FBXO42: variants seen among roughly 807,000 people sequenced by gnomAD.
FBXO42 encodes F-box only protein 42.
A neutral mutation model predicts 71.7 loss-of-function variants in FBXO42; 12 were observed. That is an observed-to-expected ratio of 0.17 (90% CI 0.11 to 0.27). The LOEUF is 0.27. Ranked by LOEUF, FBXO42 falls within the 10% of genes least tolerant of loss-of-function variation. The pLI is 1.00. For missense variants in FBXO42, 707 were observed against 911.9 expected (o/e 0.78, Z 2.89); for synonymous variants, 325 against 327.5 (o/e 0.99, Z 0.08).
intron 4 of FBXO42, among the ~76,000 whole-genome samples, chr1:16,287,379 C>A (rs2082033137): frequency 6.6e-6 from 1 of 152,146 alleles, no homozygotes; most frequent in Non-Finnish European, 1.5e-5. Context: ...ACTTTCCATC[C>A]TCTAACATAC....
chr1:16,320,080 C>A (rs1482603941), intron 1 of FBXO42, among the ~76,000 whole-genome samples: 2 of 151,952 alleles, frequency 1.3e-5, no homozygotes, highest in African/African-American at 2.4e-5. Flanking sequence ...CGTACAGTCG[C>A]CGAGCATGGT....
chr1:16,331,270 G>A (rs1299253604), intron 1 of FBXO42, among the ~76,000 whole-genome samples: 13 of 151,362 alleles, frequency 8.6e-5, no homozygotes, highest in Admixed American at 2.0e-4. Flanking sequence ...AAAATTAGCC[G>A]GGCATGGTGG....
chr1:16,280,955 G>C (rs990062257), intron 4 of FBXO42, among the ~76,000 whole-genome samples: 1 of 152,028 alleles, frequency 6.6e-6, no homozygotes, highest in Non-Finnish European at 1.5e-5. Flanking sequence ...TGTTGTGTGT[G>C]TGTTTGTTTT....
chr1:16,312,659 T>C (rs1416836650), intron 2 of FBXO42, among the ~76,000 whole-genome samples: 3 of 152,230 alleles, frequency 2.0e-5, no homozygotes, highest in Middle Eastern at 6.8e-3. Context: ...ATGTAAACTA[T>C]GGAATTTGGG....
chr1:16,250,941 G>T lies in FBXO42; in HGVS notation c.1883C>A (p.Ser628Tyr). The T allele has an allele frequency of 6.2e-7, 1 of 1,614,196 alleles. No homozygotes were observed. The highest frequency in any genetic ancestry group is 8.5e-7 in the Non-Finnish European group (1 of 1,180,040). ...ARRLGHHPPQ[S>Y]LNVGKPLYQS... ...GTATAGGGGTTTGCCAACATTTAGG[G>T]ACTGTGGAGGGTGGTGGCCCAGGCG... The change falls in exon 10 of 10, where the codon TCC (serine) becomes TAC (tyrosine). Residue 628 changes from serine (S) to tyrosine (Y), a missense_variant. Physicochemically the swap from Ser to Tyr is moderately radical, Grantham distance 144. This residue lies in a region of FBXO42 where 482 missense variants were observed against 587.1 expected (regional missense o/e 0.82). Transcript: ENST00000375592. The surrounding 1 kb of genome is among the most constrained non-coding windows in gnomAD (Gnocchi z 4.7).
At chr1:16,253,806 A>G (rs2081614531) in intron 6 of FBXO42, 75 bp from the exon 7 acceptor site, 18 of 1,360,660 alleles carry the variant, frequency 1.3e-5, no homozygotes, top group Non-Finnish European at 1.9e-5. Flanking sequence ...GGAGTTCCAC[A>G]TGCCTGTGGC....
At chr1:16,273,489 T>C (rs2100480984) in intron 4 of FBXO42, among the ~76,000 whole-genome samples, 1 of 151,842 alleles carries the variant, frequency 6.6e-6, no homozygotes, top group South Asian at 2.1e-4. Context: ...AGGAAATGAG[T>C]GCATATATCC....
chr1:16,253,595 C>A, intron 7 of FBXO42, 40 bp downstream of exon 7: 1 of 1,593,446 alleles, frequency 6.3e-7, no homozygotes. Flanking sequence ...CTGAAAGACG[C>A]TACAGTGTTT....
At chr1:16,319,774 G>A (rs1397188080) in intron 1 of FBXO42, among the ~76,000 whole-genome samples, 1 of 151,908 alleles carries the variant, frequency 6.6e-6, no homozygotes, top group Non-Finnish European at 1.5e-5. Flanking sequence ...AGCCGGGCAT[G>A]GTGCCGTGCA....
chr1:16,306,253 G>A (rs1278176836), intron 2 of FBXO42, among the ~76,000 whole-genome samples: 2 of 151,996 alleles, frequency 1.3e-5, no homozygotes, highest in African/African-American at 2.4e-5. Flanking sequence ...TCCTGACCTC[G>A]TGATCCACCT....
intron 4 of FBXO42, among the ~76,000 whole-genome samples, chr1:16,283,494 G>GTTTTTTTTTTTTGTTTTTTTT (rs763063776): frequency 6.2e-5 from 5 of 80,972 alleles, no homozygotes; most frequent in African/African-American, 1.8e-4. Context: ...ACTGTGGCAA[G>GTTTTTTTTTTTTGTTTTTTTT]TTTTTTTTTT....
chr1:16,296,120 T>C (rs1364894692), intron 3 of FBXO42, among the ~76,000 whole-genome samples: 1 of 152,222 alleles, frequency 6.6e-6, no homozygotes, highest in Non-Finnish European at 1.5e-5. Context: ...GAGTGCTAAG[T>C]TCTGCCCCTT....
chr1:16,283,488 TG>T lies in FBXO42; in HGVS notation c.502+11294del, dbSNP rs1398798622. ...TGGCATTTATAGACTCTTCTAACTG[TG>T]GCAAGTTTTTTTTTTTTTTTTTTTT... On this transcript the variant is annotated intron_variant, in intron 4 of 9. Coordinates refer to ENST00000375592, the MANE Select transcript of FBXO42 (RefSeq NM_018994.3). Among the ~76,000 whole-genome samples, 3 of 140,574 alleles carry T rather than the reference TG, an allele frequency of 2.1e-5. No homozygotes were observed. In the East Asian group the frequency reaches 6.2e-4, roughly 29 times the overall value. The allele number at this position is 140,574 out of a possible 152,430, so 92.2% of individuals were successfully genotyped here. A position where few individuals can be genotyped will look rare whatever the true frequency, so the allele number is the denominator to read the frequency against.
chr1:16,279,453 C>T (rs1168611716), intron 4 of FBXO42, among the ~76,000 whole-genome samples: 1 of 152,156 alleles, frequency 6.6e-6, no homozygotes, highest in Non-Finnish European at 1.5e-5. Flanking sequence ...AGCAAACAAA[C>T]AGGAAGAGAT....
At chr1:16,326,034 G>GTGTGTGTGTGTGTGTGTGTGTC (rs2082446211) in intron 1 of FBXO42, among the ~76,000 whole-genome samples, 1 of 150,384 alleles carries the variant, frequency 6.6e-6, no homozygotes, top group Non-Finnish European at 1.5e-5. Context: ...GTGTGTGTGT[G>GTGTGTGTGTGTGTGTGTGTGTC]TGTGTGTGTG....
chr1:16,352,273 C>T lies in FBXO42; in HGVS notation c.-36G>A, dbSNP rs570602321. ...GCCTCACCTGGCCCAGCCCGCTCCA[C>T]GCTCTCGGGTTCGCTCCGCTGGCGA... On this transcript the variant is annotated 5_prime_UTR_variant, in exon 1 of 10. The change creates a new upstream start codon in the 5' untranslated region. Transcript: ENST00000375592. 5.1e-6 allele frequency: 2 copies of T among 396,000 alleles called. No individual in the cohort carries two copies. The highest frequency in any genetic ancestry group is 7.2e-5 in the East Asian group (2 of 27,946). 24.5% of individuals were successfully genotyped at this position (396,000 alleles called of 1,614,324 possible).
At chr1:16,268,939 G>C (rs1189662433) in intron 4 of FBXO42, among the ~76,000 whole-genome samples, 1 of 151,286 alleles carries the variant, frequency 6.6e-6, no homozygotes, top group Non-Finnish European at 1.5e-5. Context: ...CTCCCGAGTA[G>C]CTGGGACTAC....
chr1:16,338,136 G>A (rs2082569679), intron 1 of FBXO42, among the ~76,000 whole-genome samples: 1 of 151,542 alleles, frequency 6.6e-6, no homozygotes, highest in Non-Finnish European at 1.5e-5. Context: ...GCAGGCGCCT[G>A]TAGTCCCAGC....
chr1:16,351,310 A>T (rs2082700729), intron 1 of FBXO42, among the ~76,000 whole-genome samples: 1 of 152,196 alleles, frequency 6.6e-6, no homozygotes, highest in Non-Finnish European at 1.5e-5. Context: ...TTAGCATTTA[A>T]ACAGCAATAA....
Sources: gnomAD v4.1 joint callset for allele counts (sites outside exome capture counted in the v4.1 genomes callset) on GRCh38, gnomAD v4.1.1 for gene constraint, gnomAD v4.1.1 regional missense constraint, Gnocchi (gnomAD v3.1) non-coding constraint, MANE v1.5 for transcripts, NCBI Gene and HGNC (gene_info 2026-07-23, HGNC 2026-07-21) for gene names.